PLCL2: variants seen among roughly 807,000 people sequenced by gnomAD.
PLCL2 encodes phospholipase C like 2, also known as inactive phospholipase C-like protein 2.
In PLCL2, 4 loss-of-function variants were observed where a neutral mutation model predicts 79.6. That is an observed-to-expected ratio of 0.05 (90% confidence interval 0.02 to 0.11). The LOEUF (loss-of-function observed/expected upper bound fraction) is 0.11. Among genes scored for constraint, PLCL2 ranks in the 10% least tolerant of loss-of-function variants. The pLI, the probability that PLCL2 is intolerant of heterozygous loss-of-function variation, is 1.00. For missense variants in PLCL2, 895 were observed against 1,291.0 expected (o/e 0.69, Z 4.70); for synonymous variants, 484 against 457.7 (o/e 1.06, Z -0.73).
At chr3:16,917,088 T>G (rs993017044) in intron 1 of PLCL2, among the ~76,000 whole-genome samples, 2 of 152,196 alleles carry the variant, frequency 1.3e-5, no homozygotes, top group African/African-American at 4.8e-5. Flanking sequence ...TTCCTGGTAC[T>G]TAGCCCCTTT....
intron 1 of PLCL2, among the ~76,000 whole-genome samples, chr3:16,949,267 C>T (rs988648722): frequency 6.6e-6 from 1 of 151,956 alleles, no homozygotes; most frequent in African/African-American, 2.4e-5. Flanking sequence ...GTTATCCTCT[C>T]ACAGGTGCCA....
intron 4 of PLCL2, among the ~76,000 whole-genome samples, chr3:17,064,030 A>C (rs1055667130): frequency 6.6e-6 from 1 of 152,122 alleles, no homozygotes; most frequent in Non-Finnish European, 1.5e-5. Flanking sequence ...AAGAGATGCT[A>C]CTCTTCAGCT....
chr3:17,045,047 C>T (rs1040553975), intron 4 of PLCL2, among the ~76,000 whole-genome samples: 1 of 152,080 alleles, frequency 6.6e-6, no homozygotes, highest in Non-Finnish European at 1.5e-5. Flanking sequence ...TTCTGTTATC[C>T]CAAGTACTTA....
intron 1 of PLCL2, among the ~76,000 whole-genome samples, chr3:16,976,654 A>G (rs186818322): frequency 2.4e-4 from 37 of 152,346 alleles, no homozygotes; most frequent in African/African-American, 7.7e-4. Context: ...AACCATCACA[A>G]CAACGCCCAT....
chr3:17,076,705 G>A (rs2065111702), intron 5 of PLCL2, among the ~76,000 whole-genome samples: 1 of 152,114 alleles, frequency 6.6e-6, no homozygotes, highest in South Asian at 2.1e-4. Context: ...GTTTTGCCAT[G>A]TTCCCCAGGT....
intron 1 of PLCL2, among the ~76,000 whole-genome samples, chr3:17,005,321 G>A (rs1363508251): frequency 1.3e-5 from 2 of 152,104 alleles, no homozygotes; most frequent in Non-Finnish European, 2.9e-5. Flanking sequence ...TTGAATCAGT[G>A]CCAGACACTT....
chr3:17,065,793 A>G (rs1482155578), intron 4 of PLCL2, among the ~76,000 whole-genome samples: 2 of 152,044 alleles, frequency 1.3e-5, no homozygotes, highest in African/African-American at 4.8e-5. Context: ...TTTCCTGTTC[A>G]TCTTGCAGTC....
chr3:17,005,581 A>G (rs2064253397), intron 1 of PLCL2, among the ~76,000 whole-genome samples: 1 of 152,208 alleles, frequency 6.6e-6, no homozygotes, highest in Admixed American at 6.5e-5. Context: ...TGAGTCGTAT[A>G]AACATTTCTA....
chr3:17,048,053 C>T (rs2064799407), intron 4 of PLCL2, among the ~76,000 whole-genome samples: 1 of 151,618 alleles, frequency 6.6e-6, no homozygotes. Context: ...TCAGGCCAGA[C>T]CTACATGACC....
At position 16,899,426 on chromosome 3, in the gene PLCL2, C is replaced by G. The variant is rs541195632; in HGVS notation, c.327+14060C>G. 4.6e-5 allele frequency among the ~76,000 whole-genome samples: 7 copies of G among 152,266 alleles called. No homozygotes were observed. The South Asian group carries it at 1.2e-3, about 27-fold the overall frequency. The stretch of plus-strand genomic sequence containing the variant: ...ATCAAGTAGGTACAGAGGCTGAATT[C>G]CCTGAATTTCTGTGCAGAAGTTCAC... On this transcript the variant is annotated intron_variant, in intron 1 of 5. Coordinates refer to ENST00000615277, the MANE Select transcript of PLCL2 (RefSeq NM_001144382.2).
chr3:16,961,103 T>C (rs1006365543), intron 1 of PLCL2, among the ~76,000 whole-genome samples: 2 of 152,236 alleles, frequency 1.3e-5, no homozygotes, highest in African/African-American at 2.4e-5. Flanking sequence ...TGTCCTCGTG[T>C]TTCAGTGGAG....
At chr3:16,960,927 T>C (rs1466714972) in intron 1 of PLCL2, among the ~76,000 whole-genome samples, 4 of 152,172 alleles carry the variant, frequency 2.6e-5, no homozygotes, top group African/African-American at 9.7e-5. Flanking sequence ...TTGTTATCAG[T>C]TTAAATACTT....
At chr3:17,065,324 T>G (rs185351936) in intron 4 of PLCL2, among the ~76,000 whole-genome samples, 2 of 152,326 alleles carry the variant, frequency 1.3e-5, no homozygotes, top group East Asian at 3.9e-4. Flanking sequence ...TTTTATCCTT[T>G]CAACTCTGTT....
chr3:17,030,805 T>C (rs939386763), intron 3 of PLCL2, among the ~76,000 whole-genome samples: 7 of 152,194 alleles, frequency 4.6e-5, no homozygotes, highest in Non-Finnish European at 1.0e-4. Flanking sequence ...CTATACTTAG[T>C]TATCACAGAC....
chr3:17,068,688 A>G lies in PLCL2; in HGVS notation c.3204+623A>G, dbSNP rs529572175. 6.6e-5 allele frequency among the ~76,000 whole-genome samples: 10 copies of G among 152,324 alleles called. 1 individual carries two copies. The highest frequency in any genetic ancestry group is 2.4e-4 in the African/African-American group (10 of 41,570). On this transcript the variant is annotated intron_variant, in intron 5 of 5. Transcript: ENST00000615277. Reference sequence around the variant, plus strand: ...TTGTCAAAAATGTCAAAAGAGCAATAATCAAAGGTAAACACAATCCCATCA... The same window carrying G: ...TTGTCAAAAATGTCAAAAGAGCAATGATCAAAGGTAAACACAATCCCATCA...
intron 1 of PLCL2, among the ~76,000 whole-genome samples, chr3:16,891,218 T>TA (rs991461141): frequency 6.6e-6 from 1 of 152,240 alleles, no homozygotes; most frequent in African/African-American, 2.4e-5. Context: ...TTCCTTTCTT[T>TA]ATGGCCTTGG....
At chr3:16,922,937 T>TA (rs1376846205) in intron 1 of PLCL2, among the ~76,000 whole-genome samples, 8 of 152,092 alleles carry the variant, frequency 5.3e-5, no homozygotes, top group Non-Finnish European at 1.0e-4. Flanking sequence ...TATCAATACT[T>TA]ACTGTAAAGG....
intron 1 of PLCL2, among the ~76,000 whole-genome samples, chr3:17,004,978 C>T (rs1418799492): frequency 7.1e-6 from 1 of 141,820 alleles, no homozygotes; most frequent in Non-Finnish European, 1.5e-5. Context: ...TACACCCTCT[C>T]CCCATTCTGA....
intron 1 of PLCL2, among the ~76,000 whole-genome samples, chr3:16,961,005 CA>C (rs1374117424): frequency 6.6e-6 from 1 of 152,182 alleles, no homozygotes; most frequent in East Asian, 1.9e-4. Context: ...CAGCAAAACA[CA>C]AAAAGTTTCT....
Sources: allele counts gnomAD v4.1 joint callset (sites outside exome capture counted in the v4.1 genomes callset), GRCh38; gene constraint gnomAD v4.1.1; transcripts MANE v1.5; gene names NCBI Gene and HGNC (gene_info 2026-07-23, HGNC 2026-07-21).